The following CMSS1 variants were observed in gnomAD, a reference collection of about 807,000 sequenced individuals.
CMSS1 encodes the protein protein CMSS1.
A neutral mutation model predicts 43.5 loss-of-function variants in CMSS1; 33 were observed. The observed-to-expected ratio is 0.76, with a 90% CI of 0.57 to 1.01. CMSS1 has a LOEUF of 1.01. Ranked by LOEUF, CMSS1 falls within the 50% of genes least tolerant of loss-of-function variation. CMSS1 has a pLI of 0.00. For missense variants in CMSS1, 313 were observed against 326.4 expected (o/e 0.96, Z 0.32); for synonymous variants, 115 against 117.2 (o/e 0.98, Z 0.12).
chr3:100,098,227 A>G (rs917013577), intron 1 of CMSS1, among the ~76,000 whole-genome samples: 3 of 152,198 alleles, frequency 2.0e-5, no homozygotes. Flanking sequence ...AAAACAAACT[A>G]CACGGTACCT....
chr3:99,943,433 G>A (rs1488098464), intron 1 of CMSS1, among the ~76,000 whole-genome samples: 4 of 152,114 alleles, frequency 2.6e-5, no homozygotes, highest in Admixed American at 1.3e-4. Flanking sequence ...GCCGGGTATG[G>A]TGGCTCATGA....
intron 1 of CMSS1, among the ~76,000 whole-genome samples, chr3:100,102,393 A>C (rs1393733539): frequency 6.6e-6 from 1 of 152,184 alleles, no homozygotes; most frequent in East Asian, 1.9e-4. Context: ...ATATCCTTGG[A>C]AATGGGATAA....
intron 1 of CMSS1, among the ~76,000 whole-genome samples, chr3:100,028,499 T>G (rs1372205420): frequency 6.6e-6 from 1 of 152,202 alleles, no homozygotes; most frequent in East Asian, 1.9e-4. Context: ...GGAGTATGAT[T>G]TAATTCACGT....
rs13082186 is a variant in CMSS1, at chr3:99,908,582, C to T, written c.64+90539C>T. On this transcript the variant is annotated intron_variant, in intron 1 of 9. Transcript: ENST00000421999. ...ATATGAGAGTCCTTGAGGCCTAATT[C>T]TCCTCTCCAGTTACTAGCAGTGTGA... 2.2e-3 allele frequency among the ~76,000 whole-genome samples: 337 copies of T among 152,266 alleles called. 1 individual carries two copies. Among genetic ancestry groups the T allele is most frequent in the Non-Finnish European group, 3.9e-3 (263 of 68,022 alleles).
intron 1 of CMSS1, among the ~76,000 whole-genome samples, chr3:99,985,889 T>C (rs1484101920): frequency 2.0e-5 from 3 of 152,122 alleles, no homozygotes; most frequent in Non-Finnish European, 4.4e-5. Context: ...GCACCGGGCC[T>C]GAGAAAAGCT....
chr3:100,072,715 A>G (rs559304525), intron 1 of CMSS1, among the ~76,000 whole-genome samples: 1 of 152,360 alleles, frequency 6.6e-6, no homozygotes, highest in African/African-American at 2.4e-5. Flanking sequence ...TCTACTGGAC[A>G]GAGGTGATGA....
chr3:100,154,513 T>C (rs2066953705), intron 2 of CMSS1, among the ~76,000 whole-genome samples: 1 of 152,222 alleles, frequency 6.6e-6, no homozygotes, highest in African/African-American at 2.4e-5. Flanking sequence ...TTTTAATGTT[T>C]GACATTTTGG....
chr3:99,850,868 T>C, intron 1 of CMSS1: 2 of 1,614,194 alleles, frequency 1.2e-6, no homozygotes, highest in Non-Finnish European at 1.7e-6. Context: ...TTGGTATGTG[T>C]TTCCTTTGCA....
At chr3:100,107,977 G>A (rs2066423178) in intron 1 of CMSS1, among the ~76,000 whole-genome samples, 1 of 151,646 alleles carries the variant, frequency 6.6e-6, no homozygotes, top group African/African-American at 2.4e-5. Context: ...AAAATTTCTG[G>A]TTTACATTTA....
At chr3:99,829,235 T>C (rs201865010) in intron 1 of CMSS1, among the ~76,000 whole-genome samples, 1 of 140,126 alleles carries the variant, frequency 7.1e-6, no homozygotes, top group South Asian at 2.3e-4. Flanking sequence ...TTGATTTTTT[T>C]CCCCCCTCGA....
intron 1 of CMSS1, among the ~76,000 whole-genome samples, chr3:99,903,345 G>A (rs527891374): frequency 5.3e-5 from 8 of 151,606 alleles, no homozygotes; most frequent in Admixed American, 1.3e-4. Context: ...TCCGCCTCCC[G>A]GGTTCAAGCA....
At chr3:99,963,636 G>A (rs1310767579) in intron 1 of CMSS1, among the ~76,000 whole-genome samples, 1 of 151,646 alleles carries the variant, frequency 6.6e-6, no homozygotes, top group Non-Finnish European at 1.5e-5. Context: ...TTTTTAGACG[G>A]AGTGTCGCTC....
At chr3:99,918,215 A>G (rs1361814758) in intron 1 of CMSS1, among the ~76,000 whole-genome samples, 1 of 151,998 alleles carries the variant, frequency 6.6e-6, no homozygotes, top group Admixed American at 6.6e-5. Flanking sequence ...TGACCTCATT[A>G]TCTCCCTGCC....
At chr3:100,091,613 TA>T (rs1477429120) in intron 1 of CMSS1, among the ~76,000 whole-genome samples, 2 of 152,236 alleles carry the variant, frequency 1.3e-5, no homozygotes, top group African/African-American at 4.8e-5. Context: ...ATTACAAAAG[TA>T]TAACTAGCTT....
chr3:99,984,003 C>CTTA (rs1329926002), intron 1 of CMSS1, among the ~76,000 whole-genome samples: 1 of 145,980 alleles, frequency 6.9e-6, no homozygotes, highest in African/African-American at 2.5e-5. Context: ...ATTGGTTAAT[C>CTTA]TCCTAACTTC....
In CMSS1 at chr3:99,952,058, A is replaced by G. The variant is rs546045416; in HGVS notation, c.64+134015A>G. Among the ~76,000 whole-genome samples the G allele has an allele frequency of 1.7e-3, 262 of 152,296 alleles. 1 individual carries two copies. The highest frequency in any genetic ancestry group is 6.0e-3 in the African/African-American group (250 of 41,572). On this transcript the variant is annotated intron_variant, in intron 1 of 9. Coordinates refer to ENST00000421999, the MANE Select transcript of CMSS1 (RefSeq NM_032359.4). ...TCCAGTGGACCATATGTAACTGCAC[A>G]TGTGACCTAGGGCCAACTCTGAAGC... is the stretch of plus-strand genomic sequence containing the variant.
intron 1 of CMSS1, among the ~76,000 whole-genome samples, chr3:100,110,762 A>T (rs1166716928): frequency 6.6e-6 from 1 of 151,922 alleles, no homozygotes; most frequent in African/African-American, 2.4e-5. Context: ...TTTCTTGTGA[A>T]TTTTTCCTCT....
intron 1 of CMSS1, among the ~76,000 whole-genome samples, chr3:99,932,783 C>T (rs140677621): frequency 1.3e-5 from 2 of 152,110 alleles, no homozygotes; most frequent in Non-Finnish European, 2.9e-5. Flanking sequence ...CCCAGCTACT[C>T]AGGAGGCTGA....
intron 2 of CMSS1, among the ~76,000 whole-genome samples, chr3:100,151,787 T>C (rs1314673973): frequency 1.3e-5 from 2 of 152,176 alleles, no homozygotes; most frequent in African/African-American, 2.4e-5. Context: ...ATGTGCAGAA[T>C]ATACTCACCC....
Sources: gnomAD v4.1 joint callset for allele counts (sites outside exome capture counted in the v4.1 genomes callset) on GRCh38, gnomAD v4.1.1 for gene constraint, MANE v1.5 for transcripts, NCBI Gene and HGNC (gene_info 2026-07-23, HGNC 2026-07-21) for gene names.